The following PROM1 variants were observed in gnomAD, a reference collection of about 807,000 sequenced individuals.
PROM1 encodes the protein prominin 1.
In PROM1, 105 loss-of-function variants were observed where a neutral mutation model predicts 116.9. The observed-to-expected ratio is 0.90, with a 90% confidence interval of 0.77 to 1.06. The LOEUF (loss-of-function observed/expected upper bound fraction) is 1.06, where lower values mean the gene tolerates loss of function less well. Among genes scored for constraint, PROM1 ranks in the 50% least tolerant of loss-of-function variants. PROM1 has a pLI of 0.00. For missense variants in PROM1, 1,122 were observed against 1,045.2 expected (o/e 1.07, Z -1.01); for synonymous variants, 393 against 387.0 (o/e 1.02, Z -0.18).
rs368912822 is a variant in PROM1, at chr4:16,025,166, C to T, written c.630+26G>A. ...AAAAAACCAAAAATATAAAGCATCG[C>T]GGTACATAGAGATGATGGTTTTTAC... On this transcript the variant is annotated intron_variant, in intron 6 of 27. Transcript: ENST00000447510. 5.3e-4 allele frequency: 857 copies of T among 1,607,252 alleles called. 5 individuals carry two copies. The South Asian group carries it at 6.4e-3, about 12-fold the overall frequency.
At chr4:15,988,480 G>A (rs1382639749) in intron 19 of PROM1, among the ~76,000 whole-genome samples, 1 of 152,218 alleles carries the variant, frequency 6.6e-6, no homozygotes, top group African/African-American at 2.4e-5. Flanking sequence ...AGCAGCCACA[G>A]AGAGTTTGCA....
chr4:15,983,160 T>C (rs925762623), intron 23 of PROM1, among the ~76,000 whole-genome samples: 3 of 152,150 alleles, frequency 2.0e-5, no homozygotes, highest in Non-Finnish European at 2.9e-5. Context: ...AGCATAGAGT[T>C]CTACAGGAAT....
intron 13 of PROM1, among the ~76,000 whole-genome samples, chr4:16,004,173 C>T (rs1278539034): frequency 1.3e-5 from 2 of 152,202 alleles, no homozygotes; most frequent in Non-Finnish European, 2.9e-5. Flanking sequence ...CACAGCAAAG[C>T]GTGCCATGCT....
intron 11 of PROM1, among the ~76,000 whole-genome samples, chr4:16,009,556 CGGGA>C (rs1160836425): frequency 6.6e-6 from 1 of 152,072 alleles, no homozygotes; most frequent in Non-Finnish European, 1.5e-5. Context: ...GCTCTGGTAA[CGGGA>C]TTGAAATTCG....
intron 2 of PROM1, among the ~76,000 whole-genome samples, chr4:16,064,175 T>G (rs1740987169): frequency 6.6e-6 from 1 of 152,184 alleles, no homozygotes. Context: ...AGGAAAAATC[T>G]TCATAGCAGG....
At chr4:15,990,756 G>A (rs1037337953) in intron 18 of PROM1, among the ~76,000 whole-genome samples, 8 of 152,296 alleles carry the variant, frequency 5.3e-5, no homozygotes, top group East Asian at 3.9e-4. Context: ...AGGCATGCCC[G>A]CCAGCGCCAT....
chr4:16,047,664 C>T (rs372174462), intron 2 of PROM1, among the ~76,000 whole-genome samples: 145 of 152,296 alleles, frequency 9.5e-4, no homozygotes, highest in African/African-American at 3.2e-3. Context: ...GGTTTGTTTA[C>T]GTCATCATCT....
intron 8 of PROM1, among the ~76,000 whole-genome samples, chr4:16,020,762 G>C (rs568380310): frequency 3.3e-5 from 5 of 152,246 alleles, no homozygotes; most frequent in African/African-American, 1.2e-4. Context: ...CTAGCCCATG[G>C]ATAATATTCT....
intron 2 of PROM1, among the ~76,000 whole-genome samples, chr4:16,056,286 T>C (rs1417202932): frequency 6.6e-6 from 1 of 151,984 alleles, no homozygotes; most frequent in Non-Finnish European, 1.5e-5. Flanking sequence ...ACAACCATGG[T>C]GGCAGAGGAG....
At chr4:16,080,630 T>C (rs186249315) in intron 1 of PROM1, 1 of 152,378 alleles carries the variant, frequency 6.6e-6, no homozygotes, top group Admixed American at 6.5e-5. Flanking sequence ...AAGAGCTTTG[T>C]AGTGGATTTT....
intron 5 of PROM1, among the ~76,000 whole-genome samples, chr4:16,029,217 C>A (rs1732086229): frequency 6.6e-6 from 1 of 152,188 alleles, no homozygotes; most frequent in Non-Finnish European, 1.5e-5. Flanking sequence ...CAGGAATTGG[C>A]AATCACGTCC....
chr4:15,987,612 T>C, intron 20 of PROM1, 51 bp downstream of exon 20: 1 of 1,530,086 alleles, frequency 6.5e-7, no homozygotes, highest in Non-Finnish European at 9.0e-7. Flanking sequence ...GCATTCTTTG[T>C]GTGGTATTTT....
At position 15,968,505 on chromosome 4, in the gene PROM1, C is replaced by G. The variant is rs1042173744; in HGVS notation, c.*888G>C. On this transcript the variant is annotated 3_prime_UTR_variant, in exon 28 of 28. Transcript: ENST00000447510. ...TCTAAGAATTGTGACAGGATCTTCT[C>G]ATATTTCATTTTAGAACACTTGATA... is the stretch of plus-strand genomic sequence containing the variant. 2.6e-5 allele frequency: 4 copies of G among 152,188 alleles called. No individual in the cohort carries two copies. Among genetic ancestry groups the G allele is most frequent in the African/African-American group, 4.8e-5 (2 of 41,440 alleles). The allele number at this position is 152,188 out of a possible 1,614,324, so 9.4% of individuals were successfully genotyped here.
intron 5 of PROM1, among the ~76,000 whole-genome samples, chr4:16,030,028 C>T (rs1349799831): frequency 6.6e-6 from 1 of 152,046 alleles, no homozygotes; most frequent in African/African-American, 2.4e-5. Context: ...CTTTCTTCTC[C>T]TGTCTAACTA....
At chr4:16,055,348 T>A (rs1437016920) in intron 2 of PROM1, 1 of 455,472 alleles carries the variant, frequency 2.2e-6, no homozygotes, top group South Asian at 1.6e-5. Flanking sequence ...CAGGCAAAAA[T>A]TCCCCTTGTC....
At position 15,991,256 on chromosome 4, in the gene PROM1, A is replaced by C; in HGVS notation, c.1949T>G (p.Phe650Cys). The change falls in exon 18 of 28, where the codon TTT becomes TGT. Residue 650 changes from phenylalanine to cysteine, a missense_variant. Physicochemically the swap from Phe to Cys is radical, Grantham distance 205. Coordinates refer to ENST00000447510, the MANE Select transcript of PROM1 (RefSeq NM_006017.3). ...TGCTTTTGCTTCTAGATCATATGCA[A>C]ATGATAAAAGATTCACTCCTGCGGG... The part of the protein sequence containing the change: ...KSPAGVNLLS[F>C]AYDLEAKANS... 6.2e-7 allele frequency: 1 copy of C among 1,607,932 alleles called. No homozygotes were observed. Among genetic ancestry groups the C allele is most frequent in the Non-Finnish European group, 8.5e-7 (1 of 1,177,970 alleles).
At chr4:16,019,523 GAGGGGCATCT>G (rs948906597) in intron 8 of PROM1, among the ~76,000 whole-genome samples, 4 of 152,172 alleles carry the variant, frequency 2.6e-5, no homozygotes, top group African/African-American at 4.8e-5. Flanking sequence ...CGTGTATTTG[GAGGGGCATCT>G]AGTACCAGGA....
intron 2 of PROM1, among the ~76,000 whole-genome samples, chr4:16,055,725 A>T (rs1441828023): frequency 6.6e-6 from 1 of 152,222 alleles, no homozygotes; most frequent in African/African-American, 2.4e-5. Flanking sequence ...ATATATTTTT[A>T]AAAATGCAAT....
intron 5 of PROM1, 79 bp from the exon 6 acceptor site, chr4:16,025,391 A>C: frequency 6.4e-7 from 1 of 1,561,116 alleles, no homozygotes; most frequent in East Asian, 2.3e-5. Context: ...GCAGCAGAGC[A>C]GGAGTCAGGG....
Sources: gnomAD v4.1 joint callset for allele counts (sites outside exome capture counted in the v4.1 genomes callset) on GRCh38, gnomAD v4.1.1 for gene constraint, MANE v1.5 for transcripts, NCBI Gene and HGNC (gene_info 2026-07-23, HGNC 2026-07-21) for gene names.